The following PANK2 variants were observed in gnomAD, a reference collection of about 807,000 sequenced individuals.
The protein encoded by PANK2 is pantothenate kinase 2.
A neutral mutation model predicts 43.1 loss-of-function variants in PANK2; 36 were observed. The observed-to-expected ratio is 0.84, with a 90% confidence interval of 0.64 to 1.10. The LOEUF is 1.10. PANK2 is among the 50% of genes least tolerant of loss of function. The probability of loss-of-function intolerance (pLI) is 0.00; values close to 1 mark genes in which losing one functional copy is unlikely to be tolerated. For missense variants in PANK2, 576 were observed against 593.3 expected, an observed-to-expected ratio of 0.97 and a Z score of 0.30; for synonymous variants, 281 against 238.2, an observed-to-expected ratio of 1.18 and a Z score of -1.66.
intron 4 of PANK2, among the ~76,000 whole-genome samples, chr20:3,914,027 G>A (rs186314641): frequency 1.3e-5 from 2 of 150,846 alleles, no homozygotes; most frequent in East Asian, 4.0e-4. Flanking sequence ...CTGACCTCAT[G>A]ATCCGCCCGC....
chr20:3,888,975 T>TCC, upstream of PANK2: 1 of 718,338 alleles, frequency 1.4e-6, no homozygotes, highest in Non-Finnish European at 2.2e-6. Context: ...ACTGCTGGGC[T>TCC]GGAGGAGGGC....
chr20:3,918,823 A>AT lies in PANK2; in HGVS notation c.1332+29dup, dbSNP rs781560024. On this transcript the variant is annotated intron_variant, in intron 6 of 6. Coordinates refer to ENST00000610179, the MANE Select transcript of PANK2 (RefSeq NM_001386393.1). ...TAAGCTGACTTGTTCGTTGTGGTAT[A>AT]TTATGTACACAGAGGGCTTGTGGGT... 11 of 1,613,994 alleles carry AT rather than the reference A, an allele frequency of 6.8e-6. No individual in the cohort carries two copies. In the African/African-American group the frequency reaches 1.5e-4, roughly 22 times the overall value.
chr20:3,916,789 C>G lies in PANK2; in HGVS notation c.1083-138C>G, dbSNP rs1600565007. 2.7e-5 allele frequency: 34 copies of G among 1,239,856 alleles called. No homozygotes were observed. In the East Asian group the frequency reaches 7.0e-4, roughly 25 times the overall value. 76.8% of individuals were successfully genotyped at this position (1,239,856 alleles called of 1,614,324 possible). ...TTGCATTTCTCTTTGAACAGATGCT[C>G]CATTGCAAAATAAAAGGTTTGAAGA... On this transcript the variant is annotated intron_variant, in intron 4 of 6. Transcript: ENST00000610179.
At chr20:3,893,716 G>A (rs2090158689) in intron 1 of PANK2, among the ~76,000 whole-genome samples, 1 of 152,076 alleles carries the variant, frequency 6.6e-6, no homozygotes, top group African/African-American at 2.4e-5. Context: ...CCTAGAAAAT[G>A]GATCATTTTT....
intron 1 of PANK2, among the ~76,000 whole-genome samples, chr20:3,903,466 CTTT>C (rs1258746977): frequency 3.4e-5 from 4 of 117,470 alleles, no homozygotes; most frequent in Non-Finnish European, 5.2e-5. Flanking sequence ...TCTTCTTTTC[CTTT>C]TTTTTTTTTT....
intron 2 of PANK2, among the ~76,000 whole-genome samples, chr20:3,909,413 T>A (rs1465993093): frequency 6.6e-6 from 1 of 151,994 alleles, no homozygotes; most frequent in African/African-American, 2.4e-5. Context: ...TGTCTTTTAG[T>A]AGAGATGGGG....
intron 1 of PANK2, among the ~76,000 whole-genome samples, chr20:3,900,385 A>G (rs906292686): frequency 3.3e-5 from 5 of 151,708 alleles, no homozygotes; most frequent in African/African-American, 1.2e-4. Flanking sequence ...TCTTGAAACA[A>G]GGTATGACCT....
chr20:3,897,781 C>T (rs1341572197), intron 1 of PANK2, among the ~76,000 whole-genome samples: 3 of 151,958 alleles, frequency 2.0e-5, no homozygotes, highest in Admixed American at 1.3e-4. Flanking sequence ...CCGAGGTGGG[C>T]GAATTAGTTG....
At chr20:3,919,544 A>G (rs2090616777) in intron 6 of PANK2, among the ~76,000 whole-genome samples, 1 of 152,350 alleles carries the variant, frequency 6.6e-6, no homozygotes, top group Non-Finnish European at 1.5e-5. Flanking sequence ...CCATACTATC[A>G]TAAGAACTTA....
At chr20:3,907,031 G>C (rs902370923) in intron 1 of PANK2, among the ~76,000 whole-genome samples, 20 of 150,364 alleles carry the variant, frequency 1.3e-4, no homozygotes, top group African/African-American at 4.9e-4. Context: ...TCTTGACCTT[G>C]TGATTCACCT....
intron 1 of PANK2, among the ~76,000 whole-genome samples, chr20:3,906,376 A>T (rs944271410): frequency 1.3e-5 from 2 of 152,140 alleles, no homozygotes; most frequent in African/African-American, 4.8e-5. Flanking sequence ...GTGAGCTGAG[A>T]TTGTGGCGTT....
upstream of PANK2, chr20:3,888,912 G>C (rs2090058065): frequency 1.8e-6 from 1 of 557,718 alleles, no homozygotes; most frequent in African/African-American, 1.9e-5. Flanking sequence ...AAGGTCAGCC[G>C]CGGTTCAAGC....
chr20:3,923,138 A>G (rs1264955515), intron 6 of PANK2, 106 bp from the exon 7 acceptor site: 1 of 1,285,640 alleles, frequency 7.8e-7, no homozygotes, highest in Non-Finnish European at 1.1e-6. Flanking sequence ...GGAAATGGGT[A>G]TGCTGTGTGT....
chr20:3,892,520 C>T (rs911013387), intron 1 of PANK2, among the ~76,000 whole-genome samples: 4 of 151,440 alleles, frequency 2.6e-5, no homozygotes, highest in African/African-American at 7.3e-5. Flanking sequence ...ACTAAAAATA[C>T]AAAAAAATTA....
In PANK2 at chr20:3,889,745, G is replaced by A. The variant is rs1055566606; in HGVS notation, c.298+17G>A. 6.3e-7 allele frequency: 1 copy of A among 1,593,108 alleles called. No homozygotes were observed. The highest frequency in any genetic ancestry group is 8.5e-7 in the Non-Finnish European group (1 of 1,178,060). On this transcript the variant is annotated intron_variant, in intron 1 of 6. Transcript: ENST00000610179. ...AGCGGCCGCGTAAGTGTTCCGTGGG[G>A]CGCCCTCCCGGCCCGCCCTGCCCCC...
intron 6 of PANK2, among the ~76,000 whole-genome samples, chr20:3,922,254 G>A (rs147542830): frequency 3.5e-4 from 54 of 152,296 alleles, no homozygotes; most frequent in Middle Eastern, 6.8e-3. Context: ...ATTCTGCATC[G>A]TTTTAGGATT....
intron 1 of PANK2, among the ~76,000 whole-genome samples, chr20:3,902,822 G>A (rs2090322938): frequency 6.6e-6 from 1 of 151,670 alleles, no homozygotes; most frequent in Non-Finnish European, 1.5e-5. Context: ...TTTTTTCTGT[G>A]CCCATTTTGC....
chr20:3,910,967 G>A, intron 3 of PANK2, 137 bp downstream of exon 3: 1 of 1,118,242 alleles, frequency 8.9e-7, no homozygotes. Context: ...GTTTCTCTTT[G>A]AAAATTCTGA....
chr20:3,905,806 C>T (rs1348492474), intron 1 of PANK2, among the ~76,000 whole-genome samples: 2 of 149,802 alleles, frequency 1.3e-5, no homozygotes, highest in Non-Finnish European at 3.0e-5. Context: ...ACCTCCACCT[C>T]CCGGGTTCAA....
Sources: gnomAD v4.1 joint callset for allele counts (sites outside exome capture counted in the v4.1 genomes callset) on GRCh38, gnomAD v4.1.1 for gene constraint, MANE v1.5 for transcripts, NCBI Gene and HGNC (gene_info 2026-07-23, HGNC 2026-07-21) for gene names.